Variants in CITED2 observed in about 807,000 individuals in gnomAD.
CITED2 encodes the protein cbp/p300-interacting transactivator 2.
CITED2 carries 2 observed loss-of-function variants against 11.8 expected under a neutral mutation model. That is an observed-to-expected ratio of 0.17 (90% CI 0.07 to 0.54). The LOEUF (loss-of-function observed/expected upper bound fraction) is 0.54, where lower values mean the gene tolerates loss of function less well. CITED2 is among the 20% of genes least tolerant of loss of function. The probability of loss-of-function intolerance (pLI) is 0.94; values close to 1 mark genes in which losing one functional copy is unlikely to be tolerated. For synonymous variants in CITED2, 210 were observed against 153.0 expected (o/e 1.37, Z -2.75); for missense variants, 437 against 390.2 (o/e 1.12, Z -1.01).
At chr6:139,374,148 G>A (rs868259677) in intron 1 of CITED2, 196 bp from the exon 2 acceptor site, 7 of 1,468,788 alleles carry the variant, frequency 4.8e-6, no homozygotes, top group Non-Finnish European at 6.3e-6. Flanking sequence ...TAACACAGCC[G>A]GACGCTGCAC....
rs1131399 is a variant in CITED2, at chr6:139,374,428, T to A, written c.-24A>T. Reference sequence around the variant, plus strand: ...TCGCGCTTACCTTCCGTTTTTGCGATTTCTGCTCCGAAGACCGAGGGCGGG... The same window carrying A: ...TCGCGCTTACCTTCCGTTTTTGCGAATTCTGCTCCGAAGACCGAGGGCGGG... On this transcript the variant is annotated 5_prime_UTR_variant, in exon 1 of 2. Transcript: ENST00000367651. 70,882 of 409,712 alleles carry A rather than the reference T, an allele frequency of 0.17. 6,742 individuals are homozygous for A. Among genetic ancestry groups the A allele is most frequent in the Middle Eastern group, 0.19 (306 of 1,600 alleles). 25.4% of individuals were successfully genotyped at this position (409,712 alleles called of 1,614,324 possible). A position where few individuals can be genotyped will look rare whatever the true frequency, so the allele number is the denominator to read the frequency against.
At position 139,373,129 on chromosome 6, in the gene CITED2, G is replaced by C. The variant is rs760240926; in HGVS notation, c.*3C>G. 8 of 1,613,610 alleles carry C rather than the reference G, an allele frequency of 5.0e-6. No homozygotes were observed. The highest frequency in any genetic ancestry group is 3.4e-6 in the Non-Finnish European group (4 of 1,179,540). ...GATTTCTTTCGCCGGGGTTTCGATC[G>C]AGTCAACAGCTCACTCTGCTGGGCT... On this transcript the variant is annotated 3_prime_UTR_variant, in exon 2 of 2. Transcript: ENST00000367651.
chr6:139,373,734 G>T lies in CITED2; in HGVS notation c.211C>A (p.His71Asn). The change falls in exon 2 of 2, where the codon CAT (histidine) becomes AAT (asparagine). Residue 71 changes from histidine to asparagine, a missense_variant. By Grantham distance (68) the His-to-Asn change is moderately conservative. This residue lies in a region of CITED2 where 396 missense variants were observed against 325.2 expected (regional missense o/e 1.22). Transcript: ENST00000367651. ...GNMNATSGIRHAMGPGTVNGG... is the reference protein window; with the variant it reads ...GNMNATSGIRNAMGPGTVNGG... ...TTCACAGTCCCCGGCCCCATCGCATGCCTGATGCCGCTCGTGGCATTCATG... is the reference window on the plus strand; with the variant it reads ...TTCACAGTCCCCGGCCCCATCGCATTCCTGATGCCGCTCGTGGCATTCATG... 1 of 1,610,778 alleles carries T rather than the reference G, an allele frequency of 6.2e-7. No individual in the cohort carries two copies. The highest frequency in any genetic ancestry group is 8.5e-7 in the Non-Finnish European group (1 of 1,179,864).
Position 139,373,372 on chromosome 6 carries a change from G to T in CITED2, c.573C>A (p.Asn191Lys). 4.4e-6 allele frequency: 7 copies of T among 1,589,096 alleles called. No individual in the cohort carries two copies. In the South Asian group the frequency reaches 7.9e-5, roughly 18 times the overall value. ...SSSGGGAGSS[N>K]SGGGSGSGNM... Reference sequence around the variant, plus strand: ...TGCCGCTGCCGCTGCCGCCGCCGCTGTTGCTGCTGCCCGCGCCGCCGCCCG... The same window carrying T: ...TGCCGCTGCCGCTGCCGCCGCCGCTTTTGCTGCTGCCCGCGCCGCCGCCCG... Residue 191 changes from asparagine (N) to lysine (K), a missense_variant, in exon 2 of 2, where the codon AAC becomes AAA. Asn to Lys is a moderately conservative substitution (Grantham distance 94). This residue lies in a region of CITED2 where 396 missense variants were observed against 325.2 expected (regional missense o/e 1.22). Transcript: ENST00000367651.
rs1042129428 is a variant in CITED2 at position 139,373,767 on chromosome 6, C to T, written c.178G>A (p.Ala60Thr). The T allele has an allele frequency of 1.1e-5, 18 of 1,610,874 alleles. No individual in the cohort carries two copies. The highest frequency in any genetic ancestry group is 1.4e-5 in the Non-Finnish European group (16 of 1,179,958). Residue 60 changes from alanine to threonine, a missense_variant, in exon 2 of 2, where the codon GCG becomes ACG. By Grantham distance (58) the Ala-to-Thr change is moderately conservative. Around this residue, in one of 3 missense-constraint regions of CITED2, gnomAD observed 396 missense variants for 325.2 expected, o/e 1.22. Coordinates refer to ENST00000367651, the MANE Select transcript of CITED2 (RefSeq NM_006079.5). ...ALMGEHIHYG[A>T]GNMNATSGIR... ...CCGCTCGTGGCATTCATGTTGCCCG[C>T]GCCGTAGTGTATGTGCTCGCCCATT...
rs918560240 is a variant in CITED2, at chr6:139,373,255, G to A, written c.690C>T (p.Ser230=). 1.2e-6 allele frequency: 2 copies of A among 1,614,164 alleles called. No individual in the cohort carries two copies. Among genetic ancestry groups the A allele is most frequent in the Non-Finnish European group, 1.7e-6 (2 of 1,180,038 alleles). ...TDFIDEEVLM[S]LVIEMGLDRI... ...GGTCCAAACCCATTTCTATCACCAA[G>A]GACATAAGAACTTCCTCGTCGATGA... The change falls in exon 2 of 2, where the codon TCC becomes TCT. Residue 230 remains serine, a synonymous_variant. Coordinates refer to ENST00000367651, the MANE Select transcript of CITED2 (RefSeq NM_006079.5).
Position 139,373,053 on chromosome 6 carries a change from T to A in CITED2, c.*79A>T, listed in dbSNP as rs907197671. 1.6e-6 allele frequency: 2 copies of A among 1,267,326 alleles called. No individual in the cohort carries two copies. Among genetic ancestry groups the A allele is most frequent in the Non-Finnish European group, 2.3e-6 (2 of 865,106 alleles). The allele number at this position is 1,267,326 out of a possible 1,614,324, so 78.5% of individuals were successfully genotyped here. ...TTTCAAGATCTGAAAAGTGAGATAC[T>A]GTGTCTAAGGGAATGTTTCTTTTAA... is the stretch of plus-strand genomic sequence containing the variant. On this transcript the variant is annotated 3_prime_UTR_variant, in exon 2 of 2. Transcript: ENST00000367651.
rs1022020029 is a variant in CITED2 at position 139,372,893 on chromosome 6, C to T, written c.*239G>A. The T allele has an allele frequency of 2.5e-5, 14 of 561,836 alleles. No homozygotes were observed. The highest frequency in any genetic ancestry group is 4.5e-5 in the Non-Finnish European group (14 of 314,140). 34.8% of individuals were successfully genotyped at this position (561,836 alleles called of 1,614,324 possible). On this transcript the variant is annotated 3_prime_UTR_variant, in exon 2 of 2. Transcript: ENST00000367651. ...AAAAGACCAAGTTAGCTAGATATTT[C>T]AACTACATAAGGGAGGTGGGTGAAT...
Position 139,373,412 on chromosome 6 carries a change from C to G in CITED2, c.533G>C (p.Gly178Ala), listed in dbSNP as rs530916734. The G allele has an allele frequency of 6.5e-6, 10 of 1,533,428 alleles. No individual in the cohort carries two copies. Among genetic ancestry groups the G allele is most frequent in the Non-Finnish European group, 1.7e-6 (2 of 1,146,526 alleles). 95.0% of individuals were successfully genotyped at this position (1,533,428 alleles called of 1,614,324 possible). A position where few individuals can be genotyped will look rare whatever the true frequency, so the allele number is the denominator to read the frequency against. Residue 178 changes from glycine (G) to alanine (A), a missense_variant, in exon 2 of 2, where the codon GGC (glycine) becomes GCC (alanine). Around this residue, in one of 3 missense-constraint regions of CITED2, gnomAD observed 396 missense variants for 325.2 expected, o/e 1.22. Coordinates refer to ENST00000367651, the MANE Select transcript of CITED2 (RefSeq NM_006079.5). ...GCCGCCGCCCGAGCTGCTGCCAGAG[C>G]CGCCGGGGGTGCTGCTGCCGCCCGA... ...GGSGGSSTPG[G>A]SGSSSGGGAG...
Position 139,372,967 on chromosome 6 carries a change from A to G in CITED2, c.*165T>C. 1.3e-6 allele frequency: 1 copy of G among 749,640 alleles called. No individual in the cohort carries two copies. Among genetic ancestry groups the G allele is most frequent in the East Asian group, 2.7e-5 (1 of 37,496 alleles). The allele number at this position is 749,640 out of a possible 1,614,324, so 46.4% of individuals were successfully genotyped here. ...AAAACAGGAAAAAAAAGTGGCAGCA[A>G]TTTTTTTTAAAACCAATTTGTACAA... On this transcript the variant is annotated 3_prime_UTR_variant, in exon 2 of 2. Transcript: ENST00000367651.
chr6:139,374,291 C>T lies in CITED2; in HGVS notation c.-9+122G>A, dbSNP rs954112654. The stretch of plus-strand genomic sequence containing the variant: ...CAGGCATTAAATCAGCCCTCCTCAT[C>T]CTGTTGTTGCACATCCTGTTGTTAT... On this transcript the variant is annotated intron_variant, in intron 1 of 1. Coordinates refer to ENST00000367651, the MANE Select transcript of CITED2 (RefSeq NM_006079.5). 62 of 930,516 alleles carry T rather than the reference C, an allele frequency of 6.7e-5. No individual in the cohort carries two copies. The East Asian group carries it at 1.7e-3, about 25-fold the overall frequency. The allele number at this position is 930,516 out of a possible 1,614,324, so 57.6% of individuals were successfully genotyped here.
chr6:139,372,775 A>G lies in CITED2; in HGVS notation c.*357T>C, dbSNP rs917311439. 1 of 294,242 alleles carries G rather than the reference A, an allele frequency of 3.4e-6. No homozygotes were observed. The highest frequency in any genetic ancestry group is 2.1e-5 in the African/African-American group (1 of 46,664). The allele number at this position is 294,242 out of a possible 1,614,324, so 18.2% of individuals were successfully genotyped here. ...GCAGTTCAGTCATTTGAAACCATCT[A>G]CAAAATCCACAAGATTAAGCAGTTT... is the stretch of plus-strand genomic sequence containing the variant. On this transcript the variant is annotated 3_prime_UTR_variant, in exon 2 of 2. Coordinates refer to ENST00000367651, the MANE Select transcript of CITED2 (RefSeq NM_006079.5).
intron 1 of CITED2, 166 bp downstream of exon 1, chr6:139,374,247 G>A (rs914016575): frequency 8.0e-6 from 11 of 1,369,756 alleles, no homozygotes; most frequent in Admixed American, 2.9e-5. Context: ...GAAGTGCCCC[G>A]TAGCCCTGCT....
chr6:139,374,564 A>C lies in CITED2; in HGVS notation c.-160T>G, dbSNP rs1131396. 2 of 188,430 alleles carry C rather than the reference A, an allele frequency of 1.1e-5. No homozygotes were observed. The highest frequency in any genetic ancestry group is 2.2e-5 in the Non-Finnish European group (2 of 91,222). 11.7% of individuals were successfully genotyped at this position (188,430 alleles called of 1,614,324 possible). On this transcript the variant is annotated 5_prime_UTR_variant, in exon 1 of 2. Transcript: ENST00000367651. Reference sequence around the variant, plus strand: ...GAGGTCTCGCAGCGGCCGCTGGGGCAGATTCGGAGCCGTTCCCTTTTATTT... The same window carrying C: ...GAGGTCTCGCAGCGGCCGCTGGGGCCGATTCGGAGCCGTTCCCTTTTATTT...
Position 139,373,740 on chromosome 6 carries a change from T to C in CITED2, c.205A>G (p.Ile69Val). ...GAGNMNATSG[I>V]RHAMGPGTVN... ...GTCCCCGGCCCCATCGCATGCCTGA[T>C]GCCGCTCGTGGCATTCATGTTGCCC... is the stretch of plus-strand genomic sequence containing the variant. Residue 69 changes from isoleucine to valine, a missense_variant, in exon 2 of 2, where the codon ATC (isoleucine) becomes GTC (valine). Coordinates refer to ENST00000367651, the MANE Select transcript of CITED2 (RefSeq NM_006079.5). 1 of 1,611,034 alleles carries C rather than the reference T, an allele frequency of 6.2e-7. No individual in the cohort carries two copies. Among genetic ancestry groups the C allele is most frequent in the Non-Finnish European group, 8.5e-7 (1 of 1,179,922 alleles).
At position 139,373,694 on chromosome 6, in the gene CITED2, G is replaced by A. The variant is rs753282863; in HGVS notation, c.251C>T (p.Pro84Leu). 1 of 1,610,546 alleles carries A rather than the reference G, an allele frequency of 6.2e-7. No homozygotes were observed. Among genetic ancestry groups the A allele is most frequent in the Non-Finnish European group, 8.5e-7 (1 of 1,179,632 alleles). Residue 84 changes from proline to leucine, a missense_variant, in exon 2 of 2, where the codon CCG (proline) becomes CTG (leucine). By Grantham distance (98) the Pro-to-Leu change is moderately conservative (BLOSUM62 -3). Transcript: ENST00000367651. Reference protein sequence around the residue: ...GPGTVNGGHPPSALAPAARFN... With the variant: ...GPGTVNGGHPLSALAPAARFN... Reference sequence around the variant, plus strand: ...CCTGGCCGCGGGGGCCAGCGCGCTCGGGGGGTGCCCTCCGTTCACAGTCCC... The same window carrying A: ...CCTGGCCGCGGGGGCCAGCGCGCTCAGGGGGTGCCCTCCGTTCACAGTCCC...
chr6:139,374,191 G>C (rs1302796936), intron 1 of CITED2: 1 of 1,440,028 alleles, frequency 6.9e-7, no homozygotes, highest in Non-Finnish European at 9.1e-7. Context: ...CGGGCGGGGG[G>C]ACCCGAGCCC....
At position 139,372,980 on chromosome 6, in the gene CITED2, C is replaced by G. The variant is rs1037068771; in HGVS notation, c.*152G>C. On this transcript the variant is annotated 3_prime_UTR_variant, in exon 2 of 2. Coordinates refer to ENST00000367651, the MANE Select transcript of CITED2 (RefSeq NM_006079.5). ...AAAGTGGCAGCAATTTTTTTTAAAA[C>G]CAATTTGTACAAGTTTATAGTTTAC... 1.3e-5 allele frequency: 11 copies of G among 845,408 alleles called. No individual in the cohort carries two copies. The highest frequency in any genetic ancestry group is 9.5e-6 in the Non-Finnish European group (5 of 526,732). The allele number at this position is 845,408 out of a possible 1,614,324, so 52.4% of individuals were successfully genotyped here. A position where few individuals can be genotyped will look rare whatever the true frequency, so the allele number is the denominator to read the frequency against.
rs917291797 is a variant in CITED2, at chr6:139,372,681, G to C, written c.*451C>G. ...ATGAAGCGAGATGGCAGTTTGTGCA[G>C]TAATATCTGCCCTTCGAAGTTCATG... On this transcript the variant is annotated 3_prime_UTR_variant, in exon 2 of 2. Coordinates refer to ENST00000367651, the MANE Select transcript of CITED2 (RefSeq NM_006079.5). The C allele has an allele frequency of 1.2e-4, 27 of 220,016 alleles. No homozygotes were observed. Among genetic ancestry groups the C allele is most frequent in the African/African-American group, 5.2e-4 (23 of 43,864 alleles). The allele number at this position is 220,016 out of a possible 1,614,324, so 13.6% of individuals were successfully genotyped here.
Sources: gnomAD v4.1 joint callset for allele counts on GRCh38, gnomAD v4.1.1 for gene constraint, gnomAD v4.1.1 regional missense constraint, MANE v1.5 for transcripts, NCBI Gene and HGNC (gene_info 2026-07-23, HGNC 2026-07-21) for gene names.